SH3KBP1: variants seen among roughly 807,000 people sequenced by gnomAD.
SH3KBP1 encodes SH3 domain containing kinase binding protein 1.
Under a neutral mutation model 50.1 loss-of-function variants are expected in SH3KBP1, and 8 were observed. The observed-to-expected ratio is 0.16, with a 90% confidence interval of 0.09 to 0.29. The LOEUF is 0.29. Among genes scored for constraint, SH3KBP1 ranks in the 10% least tolerant of loss-of-function variants. The pLI, the probability that SH3KBP1 is intolerant of heterozygous loss-of-function variation, is 1.00. For missense variants in SH3KBP1, 377 were observed against 535.2 expected, an observed-to-expected ratio of 0.70 and a Z score of 2.92; for synonymous variants, 227 against 218.6, an observed-to-expected ratio of 1.04 and a Z score of -0.34.
chrX:19,697,387 C>T (rs2063442633), intron 4 of SH3KBP1, among the ~76,000 whole-genome samples: 1 of 112,028 alleles, frequency 8.9e-6, no homozygotes, highest in Non-Finnish European at 1.9e-5. Flanking sequence ...GCAAATTTGT[C>T]CTACCAAAAT....
chrX:19,538,349 C>T (rs772015918), intron 16 of SH3KBP1, among the ~76,000 whole-genome samples: 2 of 110,143 alleles, frequency 1.8e-5, no homozygotes, highest in African/African-American at 6.6e-5. Flanking sequence ...GGACTACAAG[C>T]GCACACCACC....
chrX:19,738,694 CAAAA>C (rs1193680181), intron 3 of SH3KBP1, among the ~76,000 whole-genome samples: 2 of 37,180 alleles, frequency 5.4e-5, no homozygotes, highest in East Asian at 1.1e-3. Context: ...GTCAGCAATG[CAAAA>C]AAAAAAAAAA....
intron 2 of SH3KBP1, among the ~76,000 whole-genome samples, chrX:19,802,733 G>A (rs1433100353): frequency 9.0e-6 from 1 of 111,113 alleles, no homozygotes; most frequent in Non-Finnish European, 1.9e-5. Flanking sequence ...CAGGCTCTTA[G>A]GTCCCCCTCC....
chrX:19,645,649 A>G lies in SH3KBP1; in HGVS notation c.727-174T>C, dbSNP rs142364656. 7.2e-3 allele frequency among the ~76,000 whole-genome samples: 810 copies of G among 112,384 alleles called. 6 individuals are homozygous for G. The highest frequency in any genetic ancestry group is 0.01 in the Admixed American group (107 of 10,631). ...CCCCCTTTAATAGGTTTCATCCTCA[A>G]TGACAAACAAGGGAGAAAAATAGGT... On this transcript the variant is annotated intron_variant, in intron 6 of 17. Coordinates refer to ENST00000397821, the MANE Select transcript of SH3KBP1 (RefSeq NM_031892.3).
Position 19,864,139 on chromosome X carries a change from G to A in SH3KBP1, c.4+23168C>T, listed in dbSNP as rs903666829. Among the ~76,000 whole-genome samples, 6 of 111,468 alleles carry A rather than the reference G, an allele frequency of 5.4e-5. No individual in the cohort carries two copies. The East Asian group carries it at 1.7e-3, about 31-fold the overall frequency. On this transcript the variant is annotated intron_variant, in intron 1 of 17. Transcript: ENST00000397821. ...CAGGACCACCCTACAGAGAAACAAG[G>A]TATCTGACAAACTTCACAGTCTAGT...
At chrX:19,598,186 A>G (rs1250255548) in intron 9 of SH3KBP1, among the ~76,000 whole-genome samples, 5 of 111,695 alleles carry the variant, frequency 4.5e-5, no homozygotes, top group Non-Finnish European at 9.4e-5. Context: ...TTGATCTTCT[A>G]TTCAGACCAC....
intron 3 of SH3KBP1, among the ~76,000 whole-genome samples, chrX:19,742,314 T>C (rs1472562467): frequency 9.0e-6 from 1 of 110,793 alleles, no homozygotes; most frequent in Non-Finnish European, 1.9e-5. Flanking sequence ...TTGCCCAGGC[T>C]GGTCTTGAGC....
At chrX:19,731,488 T>C (rs1281241767) in intron 3 of SH3KBP1, among the ~76,000 whole-genome samples, 1 of 111,230 alleles carries the variant, frequency 9.0e-6, no homozygotes, top group Non-Finnish European at 1.9e-5. Flanking sequence ...TATTTCACCT[T>C]CTCTCTCTCT....
At chrX:19,639,131 G>A (rs780129222) in intron 7 of SH3KBP1, among the ~76,000 whole-genome samples, 1 of 111,502 alleles carries the variant, frequency 9.0e-6, no homozygotes, top group Admixed American at 9.5e-5. Flanking sequence ...AAGAAGCCAT[G>A]GTCTACATTT....
chrX:19,563,067 G>A (rs1419114476), intron 13 of SH3KBP1, among the ~76,000 whole-genome samples: 2 of 111,477 alleles, frequency 1.8e-5, no homozygotes, highest in Non-Finnish European at 1.9e-5. Flanking sequence ...GATGTTATGG[G>A]GTAAAAGATG....
At chrX:19,657,335 G>A (rs998340549) in intron 6 of SH3KBP1, among the ~76,000 whole-genome samples, 2 of 105,723 alleles carry the variant, frequency 1.9e-5, no homozygotes, top group Admixed American at 1.0e-4. Context: ...AGCCCCGATC[G>A]TGCCACTGCA....
intron 2 of SH3KBP1, among the ~76,000 whole-genome samples, chrX:19,754,328 A>C (rs190529753): frequency 1.8e-5 from 2 of 112,044 alleles, no homozygotes; most frequent in East Asian, 5.5e-4. Flanking sequence ...CTTGCATGAC[A>C]GTTGGTGCCT....
Position 19,534,566 on chromosome X carries a change from G to T in SH3KBP1, c.*1851C>A, listed in dbSNP as rs1177428472. The T allele has an allele frequency of 8.6e-6, 2 of 232,639 alleles. No homozygotes were observed. The highest frequency in any genetic ancestry group is 1.5e-5 in the Non-Finnish European group (2 of 130,510). 19.2% of individuals were successfully genotyped at this position (232,639 alleles called of 1,213,427 possible). A position where few individuals can be genotyped will look rare whatever the true frequency, so the allele number is the denominator to read the frequency against. The stretch of plus-strand genomic sequence containing the variant: ...CTCTGGAATCTTCAAGTTTAACGCA[G>T]AAATGCTTATAACTGTCAAGGGGTA... On this transcript the variant is annotated 3_prime_UTR_variant, in exon 18 of 18. Transcript: ENST00000397821.
intron 4 of SH3KBP1, among the ~76,000 whole-genome samples, chrX:19,697,392 CA>C (rs2063443044): frequency 8.9e-6 from 1 of 111,990 alleles, no homozygotes; most frequent in African/African-American, 3.2e-5. Context: ...TTTGTCCTAC[CA>C]AAATGAACCC....
At chrX:19,823,298 T>C (rs1272970189) in intron 2 of SH3KBP1, among the ~76,000 whole-genome samples, 2 of 112,239 alleles carry the variant, frequency 1.8e-5, no homozygotes, top group Admixed American at 1.9e-4. Context: ...GGATTCTTTG[T>C]TCACTCAAGG....
intron 12 of SH3KBP1, among the ~76,000 whole-genome samples, chrX:19,572,018 T>C (rs1334948436): frequency 2.7e-5 from 3 of 110,477 alleles, no homozygotes; most frequent in Admixed American, 2.0e-4. Context: ...TAACTGTCAA[T>C]CTGGGAGCTG....
intron 9 of SH3KBP1, among the ~76,000 whole-genome samples, chrX:19,605,557 G>T (rs2067219805): frequency 9.0e-6 from 1 of 111,439 alleles, no homozygotes; most frequent in Non-Finnish European, 1.9e-5. Context: ...AGATAGGGGA[G>T]AAGCGGGGTA....
At chrX:19,823,635 A>G (rs974927351) in intron 2 of SH3KBP1, among the ~76,000 whole-genome samples, 1 of 112,067 alleles carries the variant, frequency 8.9e-6, no homozygotes, top group Admixed American at 9.5e-5. Flanking sequence ...TTAAAGATCA[A>G]TTGTGCCATA....
chrX:19,849,347 TCAA>T (rs1375378277), intron 1 of SH3KBP1, among the ~76,000 whole-genome samples: 4 of 110,872 alleles, frequency 3.6e-5, no homozygotes, highest in Admixed American at 9.7e-5. Flanking sequence ...CTTAGTTTCT[TCAA>T]CAACAACAAA....
Sources: gnomAD v4.1 joint callset for allele counts (sites outside exome capture counted in the v4.1 genomes callset) on GRCh38, gnomAD v4.1.1 for gene constraint, MANE v1.5 for transcripts, NCBI Gene and HGNC (gene_info 2026-07-23, HGNC 2026-07-21) for gene names.